MRPS11: variants seen among roughly 807,000 people sequenced by gnomAD.
The protein encoded by MRPS11 is small ribosomal subunit protein uS11m.
In MRPS11, 27 loss-of-function variants were observed where a neutral mutation model predicts 24.3. The observed-to-expected ratio is 1.11, with a 90% confidence interval of 0.82 to 1.53. The LOEUF (loss-of-function observed/expected upper bound fraction) is 1.53. Ranked by LOEUF, MRPS11 falls within the 40% of genes most tolerant of loss-of-function variation. The pLI, the probability that MRPS11 is intolerant of heterozygous loss-of-function variation, is 0.00. For missense variants in MRPS11, 277 were observed against 256.5 expected (o/e 1.08, Z -0.55); for synonymous variants, 104 against 98.7 (o/e 1.05, Z -0.32).
In MRPS11 at chr15:88,478,525, GA is replaced by G. The variant is rs1381839623; in HGVS notation, c.*547del. On this transcript the variant is annotated 3_prime_UTR_variant, in exon 6 of 6. Coordinates refer to ENST00000325844, the MANE Select transcript of MRPS11 (RefSeq NM_022839.5). This position sits in a 1 kb window ranked among gnomAD's most constrained non-coding sequence, Gnocchi z 4.7. ...TGCCACCTACCTCTGGATTCTGATG[GA>G]TTTCGCCATTATGGGCATGTTTAAA... 1 of 155,824 alleles carries G rather than the reference GA, an allele frequency of 6.4e-6. No homozygotes were observed. The highest frequency in any genetic ancestry group is 1.4e-5 in the Non-Finnish European group (1 of 70,626). The allele number at this position is 155,824 out of a possible 1,614,324, so 9.7% of individuals were successfully genotyped here.
At position 88,475,117 on chromosome 15, in the gene MRPS11, A is replaced by C; in HGVS notation, c.289A>C (p.Ile97Leu). ...TTCTTCTACTTTTCTCAGCACACAGATCCAGGTAGTCTCTGCTAGTAATGA... is the reference window on the plus strand; with the variant it reads ...TTCTTCTACTTTTCTCAGCACACAGCTCCAGGTAGTCTCTGCTAGTAATGA... The part of the protein sequence containing the change: ...HIKASHNNTQ[I>L]QVVSASNEPL... The change falls in exon 4 of 6, where the codon ATC becomes CTC. Residue 97 changes from isoleucine to leucine, a missense_variant. Ile to Leu is a conservative substitution (Grantham distance 5). Coordinates refer to ENST00000325844, the MANE Select transcript of MRPS11 (RefSeq NM_022839.5). This position sits in a 1 kb window ranked among gnomAD's most constrained non-coding sequence, Gnocchi z 4.1. 1 of 1,614,208 alleles carries C rather than the reference A, an allele frequency of 6.2e-7. No homozygotes were observed. Among genetic ancestry groups the C allele is most frequent in the South Asian group, 1.1e-5 (1 of 91,082 alleles).
At chr15:88,470,370 G>A (rs954884008) in intron 2 of MRPS11, among the ~76,000 whole-genome samples, 1 of 152,164 alleles carries the variant, frequency 6.6e-6, no homozygotes, top group Non-Finnish European at 1.5e-5. Context: ...TTTAGCTAGA[G>A]ATATACAGTT....
chr15:88,471,382 TTATAA>T (rs747984911), intron 2 of MRPS11, among the ~76,000 whole-genome samples: 1 of 152,218 alleles, frequency 6.6e-6, no homozygotes, highest in African/African-American at 2.4e-5. Flanking sequence ...AGTCCTTAGA[TTATAA>T]TATAATTTCT....
chr15:88,470,314 C>A (rs1365436392), intron 2 of MRPS11, among the ~76,000 whole-genome samples: 1 of 152,058 alleles, frequency 6.6e-6, no homozygotes, highest in African/African-American at 2.4e-5. Context: ...CTCAAAAAAA[C>A]AAACAAGCAA....
rs540787701 is a variant in MRPS11, at chr15:88,475,754, C to T, written c.411+515C>T. Among the ~76,000 whole-genome samples, 2 of 152,138 alleles carry T rather than the reference C, an allele frequency of 1.3e-5. No homozygotes were observed. The highest frequency in any genetic ancestry group is 1.9e-4 in the East Asian group (1 of 5,150). ...GGAGGCCAAGGCAGGCGTAAGAGAT[C>T]GAGACCATCCTGGCCAACATGGTGA... On this transcript the variant is annotated intron_variant, in intron 4 of 5. Coordinates refer to ENST00000325844, the MANE Select transcript of MRPS11 (RefSeq NM_022839.5). This position sits in a 1 kb window ranked among gnomAD's most constrained non-coding sequence, Gnocchi z 4.1.
chr15:88,480,342 GA>G lies in MRPS11; in HGVS notation c.*2364del, dbSNP rs2055906665. 1 of 152,200 alleles carries G rather than the reference GA, an allele frequency of 6.6e-6. No individual in the cohort carries two copies. The highest frequency in any genetic ancestry group is 1.5e-5 in the Non-Finnish European group (1 of 68,052). The allele number at this position is 152,200 out of a possible 1,614,324, so 9.4% of individuals were successfully genotyped here. On this transcript the variant is annotated 3_prime_UTR_variant, in exon 6 of 6. Transcript: ENST00000325844. The surrounding 1 kb of genome is among the most constrained non-coding windows in gnomAD (Gnocchi z 5.1). ...TGATCCTCCAGCTTCAGCCTCCTGT[GA>G]GCATCTGGGACTACAGGCGCATGCC...
Position 88,475,298 on chromosome 15 carries a change from C to A in MRPS11, c.411+59C>A. ...TGTGTTTGCTTTCTGCATGGCTCAT[C>A]ACTGAGTGGAGAATCCTCATTATAC... On this transcript the variant is annotated intron_variant, in intron 4 of 5. Coordinates refer to ENST00000325844, the MANE Select transcript of MRPS11 (RefSeq NM_022839.5). This position sits in a 1 kb window ranked among gnomAD's most constrained non-coding sequence, Gnocchi z 4.1. 2.5e-6 allele frequency: 4 copies of A among 1,605,530 alleles called. No homozygotes were observed. The South Asian group carries it at 3.3e-5, about 13-fold the overall frequency.
Position 88,477,123 on chromosome 15 carries a change from G to A in MRPS11, c.477+69G>A, listed in dbSNP as rs1245836875. 1 of 1,401,414 alleles carries A rather than the reference G, an allele frequency of 7.1e-7. No homozygotes were observed. Among genetic ancestry groups the A allele is most frequent in the Non-Finnish European group, 1.0e-6 (1 of 996,464 alleles). 86.8% of individuals were successfully genotyped at this position (1,401,414 alleles called of 1,614,324 possible). A position where few individuals can be genotyped will look rare whatever the true frequency, so the allele number is the denominator to read the frequency against. On this transcript the variant is annotated intron_variant, in intron 5 of 5. Transcript: ENST00000325844. The surrounding 1 kb of genome is among the most constrained non-coding windows in gnomAD (Gnocchi z 5.7). Reference sequence around the variant, plus strand: ...TGTGAGAATTTGGGGCTTGAGAGCAGAGTACAGGGAGAGTAGAAAACACCT... The same window carrying A: ...TGTGAGAATTTGGGGCTTGAGAGCAAAGTACAGGGAGAGTAGAAAACACCT...
chr15:88,478,060 T>C lies in MRPS11; in HGVS notation c.*81T>C. On this transcript the variant is annotated 3_prime_UTR_variant, in exon 6 of 6. Transcript: ENST00000325844. This position sits in a 1 kb window ranked among gnomAD's most constrained non-coding sequence, Gnocchi z 4.7. The stretch of plus-strand genomic sequence containing the variant: ...TGTAAAATGCTCCCTGTCAGAGCTC[T>C]CCAGAATATGCTTGTTGGAGATCCT... 8.9e-7 allele frequency: 1 copy of C among 1,125,104 alleles called. No individual in the cohort carries two copies. Among genetic ancestry groups the C allele is most frequent in the Non-Finnish European group, 1.3e-6 (1 of 743,600 alleles). The allele number at this position is 1,125,104 out of a possible 1,614,324, so 69.7% of individuals were successfully genotyped here.
chr15:88,470,564 A>C (rs1000852445), intron 2 of MRPS11, among the ~76,000 whole-genome samples: 2 of 152,242 alleles, frequency 1.3e-5, no homozygotes, highest in Admixed American at 1.3e-4. Flanking sequence ...TAGGAAAACC[A>C]GGAGAGAACA....
In MRPS11 at chr15:88,477,760, C is replaced by G. The variant is rs2055851656; in HGVS notation, c.478-112C>G. ...GGTATCAAAGCCAGTGAGCATCTCA[C>G]CCCTCCGTTCCCTTCTCTACGCCAC... On this transcript the variant is annotated intron_variant, in intron 5 of 5. Transcript: ENST00000325844. This position sits in a 1 kb window ranked among gnomAD's most constrained non-coding sequence, Gnocchi z 5.7. 1 of 847,954 alleles carries G rather than the reference C, an allele frequency of 1.2e-6. No homozygotes were observed. The highest frequency in any genetic ancestry group is 1.7e-5 in the African/African-American group (1 of 59,620). The allele number at this position is 847,954 out of a possible 1,614,324, so 52.5% of individuals were successfully genotyped here. A position where few individuals can be genotyped will look rare whatever the true frequency, so the allele number is the denominator to read the frequency against.
At chr15:88,476,957 T>C (rs1422019582) in intron 4 of MRPS11, 32 bp from the exon 5 acceptor site, 18 of 1,606,848 alleles carry the variant, frequency 1.1e-5, no homozygotes, top group Non-Finnish European at 1.5e-5. Flanking sequence ...TAGTTCTCTC[T>C]CCGGGGCACT....
rs2055877937 is a variant in MRPS11, at chr15:88,478,906, T to A, written c.*927T>A. On this transcript the variant is annotated 3_prime_UTR_variant, in exon 6 of 6. Transcript: ENST00000325844. The surrounding 1 kb of genome is among the most constrained non-coding windows in gnomAD (Gnocchi z 4.7). Reference sequence around the variant, plus strand: ...CTGGAGGCTGAGGCATGAAAATCGCTTGAACCCAGGAGGTGGAGGCTGCAG... The same window carrying A: ...CTGGAGGCTGAGGCATGAAAATCGCATGAACCCAGGAGGTGGAGGCTGCAG... 6.6e-6 allele frequency: 1 copy of A among 152,090 alleles called. No homozygotes were observed. The highest frequency in any genetic ancestry group is 6.6e-5 in the Admixed American group (1 of 15,258). 9.4% of individuals were successfully genotyped at this position (152,090 alleles called of 1,614,324 possible). A position where few individuals can be genotyped will look rare whatever the true frequency, so the allele number is the denominator to read the frequency against.
chr15:88,478,093 G>A lies in MRPS11; in HGVS notation c.*114G>A. On this transcript the variant is annotated 3_prime_UTR_variant, in exon 6 of 6. Coordinates refer to ENST00000325844, the MANE Select transcript of MRPS11 (RefSeq NM_022839.5). The surrounding 1 kb of genome is among the most constrained non-coding windows in gnomAD (Gnocchi z 4.7). ...ATGCTTGTTGGAGATCCTTCAGGCA[G>A]TAAGGGAGAGTTTTGCCTCCTTACA... 1.2e-6 allele frequency: 1 copy of A among 833,054 alleles called. No homozygotes were observed. Among genetic ancestry groups the A allele is most frequent in the Middle Eastern group, 2.5e-4 (1 of 4,000 alleles). The allele number at this position is 833,054 out of a possible 1,614,324, so 51.6% of individuals were successfully genotyped here. A position where few individuals can be genotyped will look rare whatever the true frequency, so the allele number is the denominator to read the frequency against.
chr15:88,467,761 G>T lies in MRPS11; in HGVS notation c.44G>T (p.Trp15Leu), dbSNP rs2055573711. The T allele has an allele frequency of 6.2e-7, 1 of 1,614,058 alleles. No homozygotes were observed. Among genetic ancestry groups the T allele is most frequent in the African/African-American group, 1.3e-5 (1 of 75,014 alleles). ...RNAGSRFLRS[W>L]TWPQTAGRVV... is the part of the protein sequence containing the mutation. The stretch of plus-strand genomic sequence containing the variant: ...GCGGGGTCGCGGTTCCTGCGGTCCT[G>T]GACTTGGCCCCAGACAGCCGGGTAA... Residue 15 changes from tryptophan (W) to leucine (L), a missense_variant, in exon 1 of 6, where the codon TGG becomes TTG. By Grantham distance (61) the Trp-to-Leu change is moderately conservative (BLOSUM62 -2). Coordinates refer to ENST00000325844, the MANE Select transcript of MRPS11 (RefSeq NM_022839.5).
rs137855792 is a variant in MRPS11 at position 88,471,967 on chromosome 15, G to T, written c.183-660G>T. Among the ~76,000 whole-genome samples, 13 of 152,304 alleles carry T rather than the reference G, an allele frequency of 8.5e-5. 1 individual carries two copies. In the South Asian group the frequency reaches 2.5e-3, roughly 29 times the overall value. On this transcript the variant is annotated intron_variant, in intron 2 of 5. Coordinates refer to ENST00000325844, the MANE Select transcript of MRPS11 (RefSeq NM_022839.5). ...GGGTAGAGGTTGGCAAACTATGGTC[G>T]ACTGGGCAAATCTGGCCAATTGCCT...
intron 3 of MRPS11, among the ~76,000 whole-genome samples, chr15:88,474,115 G>C (rs901753394): frequency 6.6e-6 from 1 of 152,190 alleles, no homozygotes. Context: ...GTTGGAGGCT[G>C]CAGTGAGCTA....
intron 4 of MRPS11, among the ~76,000 whole-genome samples, chr15:88,476,566 A>G (rs926577402): frequency 1.3e-5 from 2 of 152,206 alleles, no homozygotes; most frequent in African/African-American, 4.8e-5. Context: ...CATTTTTATA[A>G]TGAACTGCCT....
rs2055805604 is a variant in MRPS11 at position 88,475,598 on chromosome 15, A to G, written c.411+359A>G. On this transcript the variant is annotated intron_variant, in intron 4 of 5. Coordinates refer to ENST00000325844, the MANE Select transcript of MRPS11 (RefSeq NM_022839.5). This position sits in a 1 kb window ranked among gnomAD's most constrained non-coding sequence, Gnocchi z 4.1. ...TGAGGCTGGATGGCTTGAGCCCAAG[A>G]GTTTGAGGCTGCAGTGAACTATGAT... Among the ~76,000 whole-genome samples the G allele has an allele frequency of 6.6e-6, 1 of 152,156 alleles. No individual in the cohort carries two copies. The highest frequency in any genetic ancestry group is 1.5e-5 in the Non-Finnish European group (1 of 68,022).
Sources: allele counts gnomAD v4.1 joint callset (sites outside exome capture counted in the v4.1 genomes callset), GRCh38; gene constraint gnomAD v4.1.1; non-coding constraint Gnocchi (gnomAD v3.1); transcripts MANE v1.5; gene names NCBI Gene and HGNC (gene_info 2026-07-23, HGNC 2026-07-21).